Variants in SCN2A observed in about 807,000 individuals in gnomAD.
SCN2A encodes sodium voltage-gated channel alpha subunit 2.
A neutral mutation model predicts 188.7 loss-of-function variants in SCN2A; 20 were observed. That is an observed-to-expected ratio of 0.11 (90% CI 0.07 to 0.15). The LOEUF (loss-of-function observed/expected upper bound fraction) is 0.15. Ranked by LOEUF, SCN2A falls within the 10% of genes least tolerant of loss-of-function variation. The probability of loss-of-function intolerance (pLI) is 1.00; values close to 1 mark genes in which losing one functional copy is unlikely to be tolerated. For synonymous variants in SCN2A, 804 were observed against 833.1 expected (o/e 0.97, Z 0.60); for missense variants, 1,278 against 2,445.0 (o/e 0.52, Z 10.07).
At chr2:165,247,923 T>A (rs974538064) in intron 1 of SCN2A, among the ~76,000 whole-genome samples, 1 of 152,162 alleles carries the variant, frequency 6.6e-6, no homozygotes, top group Non-Finnish European at 1.5e-5. Flanking sequence ...CACCTTACTT[T>A]TTTCAGGAGA....
At chr2:165,356,719 T>A (rs773455862) in intron 17 of SCN2A, among the ~76,000 whole-genome samples, 1 of 152,208 alleles carries the variant, frequency 6.6e-6, no homozygotes, top group South Asian at 2.1e-4. Context: ...TCTTCTTAAC[T>A]TTAAGAGATT....
Position 165,342,361 on chromosome 2 carries a change from C to T in SCN2A, c.2454C>T (p.Tyr818=). Residue 818 remains tyrosine (Y), a synonymous_variant, in exon 15 of 27, where the codon TAC becomes TAT. Transcript: ENST00000375437. ...LKIIAMDPYY[Y]FQEGWNIFDG... is the part of the protein sequence containing the mutation. ...TAATTGCCATGGATCCATATTATTA[C>T]TTTCAAGAAGGCTGGAATATTTTTG... 1 of 1,613,954 alleles carries T rather than the reference C, an allele frequency of 6.2e-7. No individual in the cohort carries two copies. Among genetic ancestry groups the T allele is most frequent in the South Asian group, 1.1e-5 (1 of 91,080 alleles).
intron 1 of SCN2A, among the ~76,000 whole-genome samples, chr2:165,279,934 G>C (rs1454876212): frequency 6.6e-6 from 1 of 152,158 alleles, no homozygotes; most frequent in Non-Finnish European, 1.5e-5. Context: ...GGTTGTATAA[G>C]GGGGAGTTTC....
intron 22 of SCN2A, among the ~76,000 whole-genome samples, chr2:165,376,140 G>C (rs985657784): frequency 6.6e-6 from 1 of 151,710 alleles, no homozygotes; most frequent in Non-Finnish European, 1.5e-5. Flanking sequence ...GGTGACTATA[G>C]TTAATAATAA....
At position 165,330,696 on chromosome 2, in the gene SCN2A, T is replaced by C. The variant is rs190658247; in HGVS notation, c.2150-634T>C. Among the ~76,000 whole-genome samples the C allele has an allele frequency of 4.6e-5, 7 of 152,262 alleles. No individual in the cohort carries two copies. In the East Asian group the frequency reaches 1.2e-3, roughly 25 times the overall value. Reference sequence around the variant, plus strand: ...TGAGTTCCACTTTGTGAAATGTTGATTTGTAACAACAGTGAGGACTCCAGT... The same window carrying C: ...TGAGTTCCACTTTGTGAAATGTTGACTTGTAACAACAGTGAGGACTCCAGT... On this transcript the variant is annotated intron_variant, in intron 13 of 26. Coordinates refer to ENST00000375437, the MANE Select transcript of SCN2A (RefSeq NM_001040142.2).
In SCN2A at chr2:165,389,969, A is replaced by G. The variant is rs1702066288; in HGVS notation, c.*145A>G. On this transcript the variant is annotated 3_prime_UTR_variant, in exon 27 of 27. Transcript: ENST00000375437. The surrounding 1 kb of genome is among the most constrained non-coding windows in gnomAD (Gnocchi z 4.2). ...ATACTTAAGGTCAGTGCCTATAACA[A>G]GACAGAGACCTCTGGTCAGCAAACT... is the stretch of plus-strand genomic sequence containing the variant. The G allele has an allele frequency of 1.7e-5, 23 of 1,350,042 alleles. No homozygotes were observed. Among genetic ancestry groups the G allele is most frequent in the Non-Finnish European group, 2.3e-5 (23 of 1,014,752 alleles). 83.6% of individuals were successfully genotyped at this position (1,350,042 alleles called of 1,614,324 possible).
chr2:165,312,672 C>T (rs1697504510), intron 8 of SCN2A, among the ~76,000 whole-genome samples: 1 of 151,996 alleles, frequency 6.6e-6, no homozygotes, highest in African/African-American at 2.4e-5. Flanking sequence ...TTAGATCGCT[C>T]AATAAGTGCT....
intron 1 of SCN2A, chr2:165,286,124 T>G (rs1695817542): frequency 6.6e-6 from 1 of 152,564 alleles, no homozygotes; most frequent in African/African-American, 2.4e-5. Flanking sequence ...CTCCCTTTTA[T>G]TATTCTTAGA....
intron 3 of SCN2A, among the ~76,000 whole-genome samples, chr2:165,303,985 G>A (rs1379154917): frequency 6.6e-6 from 1 of 152,018 alleles, no homozygotes; most frequent in Admixed American, 6.6e-5. Context: ...GTTTTTAAGT[G>A]TCATAAAACC....
At chr2:165,300,972 G>A (rs1322079290) in intron 3 of SCN2A, among the ~76,000 whole-genome samples, 3 of 152,190 alleles carry the variant, frequency 2.0e-5, no homozygotes, top group Non-Finnish European at 4.4e-5. Flanking sequence ...TTGGAGTATG[G>A]TGGAAACAAT....
In SCN2A at chr2:165,354,395, G is replaced by T. The variant is rs147576541; in HGVS notation, c.3123G>T (p.Pro1041=). ...AGAAAGCTTTAGATGAAATTAAACC[G>T]CTTGAAGATCTAAATAATAAAAAAG... ...RKQKALDEIK[P]LEDLNNKKDS... Residue 1041 remains proline (P), a synonymous_variant, in exon 17 of 27, where the codon CCG becomes CCT. Coordinates refer to ENST00000375437, the MANE Select transcript of SCN2A (RefSeq NM_001040142.2). 5.0e-6 allele frequency: 8 copies of T among 1,613,782 alleles called. No homozygotes were observed. Among genetic ancestry groups the T allele is most frequent in the Admixed American group, 3.3e-5 (2 of 59,988 alleles).
At chr2:165,383,110 A>G (rs1289272661) in intron 25 of SCN2A, among the ~76,000 whole-genome samples, 1 of 152,108 alleles carries the variant, frequency 6.6e-6, no homozygotes, top group Non-Finnish European at 1.5e-5. Context: ...GTAGTATGCT[A>G]AGCATTTGAA....
chr2:165,282,049 G>A (rs1419207130), intron 1 of SCN2A, among the ~76,000 whole-genome samples: 1 of 152,142 alleles, frequency 6.6e-6, no homozygotes, highest in Non-Finnish European at 1.5e-5. Context: ...CTCCAACAGG[G>A]AGAATGCTGG....
intron 11 of SCN2A, among the ~76,000 whole-genome samples, chr2:165,321,069 C>T (rs1698054209): frequency 6.6e-6 from 1 of 152,212 alleles, no homozygotes; most frequent in African/African-American, 2.4e-5. Flanking sequence ...TAAGTCACCA[C>T]TTGAATGCTT....
intron 7 of SCN2A, 72 bp from the exon 8 acceptor site, chr2:165,311,953 C>T: frequency 2.0e-6 from 2 of 986,918 alleles, no homozygotes; most frequent in Admixed American, 1.8e-5. Flanking sequence ...GTGAGCTTTG[C>T]CACCTAAACA....
Position 165,386,730 on chromosome 2 carries a change from A to G in SCN2A, c.4552-16A>G. The G allele has an allele frequency of 6.2e-7, 1 of 1,609,554 alleles. No individual in the cohort carries two copies. Among genetic ancestry groups the G allele is most frequent in the Non-Finnish European group, 8.5e-7 (1 of 1,176,574 alleles). The stretch of plus-strand genomic sequence containing the variant: ...TTAAGGTTTCTAATGGAACTTTTAC[A>G]TATTATTTGTTCCAGAACAAATTCC... On this transcript the variant is annotated splice_polypyrimidine_tract_variant and intron_variant, in intron 25 of 26. Coordinates refer to ENST00000375437, the MANE Select transcript of SCN2A (RefSeq NM_001040142.2).
chr2:165,257,786 C>A (rs535988306), intron 1 of SCN2A, among the ~76,000 whole-genome samples: 4 of 152,164 alleles, frequency 2.6e-5, no homozygotes, highest in African/African-American at 9.7e-5. Flanking sequence ...GATCCACCCC[C>A]CTCGGCCTTC....
chr2:165,277,974 A>C (rs1695417107), intron 1 of SCN2A, among the ~76,000 whole-genome samples: 1 of 152,252 alleles, frequency 6.6e-6, no homozygotes, highest in African/African-American at 2.4e-5. Flanking sequence ...AATTACTTAA[A>C]TAGAAAAAAT....
At position 165,323,193 on chromosome 2, in the gene SCN2A, G is replaced by T; in HGVS notation, c.1709G>T (p.Arg570Ile). ...LSIRGSLFSP[R>I]RNSRASLFSF... ...ATCCGTGGCTCCCTTTTCTCTCCAA[G>T]ACGCAACAGTAGGGCGAGCCTTTTC... Residue 570 changes from arginine to isoleucine, a missense_variant, in exon 12 of 27, where the codon AGA (arginine) becomes ATA (isoleucine). This residue lies in a region of SCN2A where 315 missense variants were observed against 386.6 expected (regional missense o/e 0.81). Coordinates refer to ENST00000375437, the MANE Select transcript of SCN2A (RefSeq NM_001040142.2). The T allele has an allele frequency of 6.2e-7, 1 of 1,614,080 alleles. No individual in the cohort carries two copies. The highest frequency in any genetic ancestry group is 2.2e-5 in the East Asian group (1 of 44,878).
Sources: gnomAD v4.1 joint callset for allele counts (sites outside exome capture counted in the v4.1 genomes callset) on GRCh38, gnomAD v4.1.1 for gene constraint, gnomAD v4.1.1 regional missense constraint, Gnocchi (gnomAD v3.1) non-coding constraint, MANE v1.5 for transcripts, NCBI Gene and HGNC (gene_info 2026-07-23, HGNC 2026-07-21) for gene names.